The following CLN6 variants were observed in gnomAD, a reference collection of about 807,000 sequenced individuals.
CLN6 encodes the protein ceroid-lipofuscinosis neuronal protein 6.
In CLN6, 22 loss-of-function variants were observed where a neutral mutation model predicts 33.3. The ratio of observed to expected loss-of-function variants is 0.66; its 90% CI spans 0.47 to 0.94. The LOEUF (loss-of-function observed/expected upper bound fraction) is 0.94, where lower values mean the gene tolerates loss of function less well. Ranked by LOEUF, CLN6 falls within the 40% of genes least tolerant of loss-of-function variation. CLN6 has a pLI of 0.00. For synonymous variants in CLN6, 201 were observed against 174.6 expected (o/e 1.15, Z -1.19); for missense variants, 387 against 417.1 (o/e 0.93, Z 0.63).
intron 1 of CLN6, among the ~76,000 whole-genome samples, chr15:68,244,189 T>C (rs2141163552): frequency 6.6e-6 from 1 of 152,044 alleles, no homozygotes; most frequent in Non-Finnish European, 1.5e-5. Context: ...AAGTTATAAA[T>C]ATCCAAGGAC....
Position 68,211,885 on chromosome 15 carries a change from G to A in CLN6, c.298-22C>T. The stretch of plus-strand genomic sequence containing the variant: ...TGAGCTGGGGTTCAGAGTGGGGTTG[G>A]CAGCATGACCCCACCTCTGTCACAG... On this transcript the variant is annotated intron_variant, in intron 3 of 6. Coordinates refer to ENST00000249806, the MANE Select transcript of CLN6 (RefSeq NM_017882.3). This position sits in a 1 kb window ranked among gnomAD's most constrained non-coding sequence, Gnocchi z 5.9. The A allele has an allele frequency of 1.9e-6, 3 of 1,611,396 alleles. No homozygotes were observed. Among genetic ancestry groups the A allele is most frequent in the East Asian group, 2.2e-5 (1 of 44,858 alleles).
At chr15:68,235,589 T>TAAATAA (rs1410087685) in intron 1 of CLN6, among the ~76,000 whole-genome samples, 542 of 7,122 alleles carry the variant, frequency 0.076, 3 homozygotes, top group Middle Eastern at 0.5. Flanking sequence ...TAAAAATAAA[T>TAAATAA]ATATATATAT....
rs762159854 is a variant in CLN6, at chr15:68,209,660, C to T, written c.642G>A (p.Val214=). ...SLIPGPALLL[V]APSGLYYWYL... ...ACCAGTAGTACAGGCCACTGGGTGC[C>T]ACCAGGAGCAGGGCAGGCCCTGGAA... Residue 214 remains valine (V), a synonymous_variant, in exon 6 of 7, where the codon GTG becomes GTA. Coordinates refer to ENST00000249806, the MANE Select transcript of CLN6 (RefSeq NM_017882.3). The surrounding 1 kb of genome is among the most constrained non-coding windows in gnomAD (Gnocchi z 4.9). 6.2e-7 allele frequency: 1 copy of T among 1,613,348 alleles called. No individual in the cohort carries two copies. Among genetic ancestry groups the T allele is most frequent in the Admixed American group, 1.7e-5 (1 of 60,028 alleles).
rs920856466 is a variant in CLN6, at chr15:68,236,414, T to G, written c.180-17764A>C. 6.6e-6 allele frequency among the ~76,000 whole-genome samples: 1 copy of G among 152,256 alleles called. No individual in the cohort carries two copies. Among genetic ancestry groups the G allele is most frequent in the African/African-American group, 2.4e-5 (1 of 41,468 alleles). ...GGTATACAAATTCAGTGGACTATTA[T>G]ACAGCTATAAGAAGGCACTAAGTAC... On this transcript the variant is annotated intron_variant, in intron 1 of 6. Coordinates refer to the CLN6 transcript ENST00000538696. This position sits in a 1 kb window ranked among gnomAD's most constrained non-coding sequence, Gnocchi z 4.5.
chr15:68,243,630 C>T (rs1308116487), intron 1 of CLN6, among the ~76,000 whole-genome samples: 2 of 151,938 alleles, frequency 1.3e-5, no homozygotes. Flanking sequence ...TGGCATGCAC[C>T]TGTAATCCCA....
chr15:68,218,708 C>A, intron 1 of CLN6, 58 bp from the exon 2 acceptor site: 1 of 1,299,362 alleles, frequency 7.7e-7, no homozygotes, highest in South Asian at 1.2e-5. Context: ...CCAAAATCTT[C>A]CCCTGAGATT....
intron 1 of CLN6, 55 bp downstream of exon 1, chr15:68,229,447 C>G (rs1004819579): frequency 2.2e-6 from 3 of 1,341,650 alleles, no homozygotes; most frequent in Non-Finnish European, 2.0e-6. Context: ...TGGCGGGTCC[C>G]GAGGCCCCAG....
At position 68,209,499 on chromosome 15, in the gene CLN6, A is replaced by T; in HGVS notation, c.665+138T>A. 5 of 1,201,334 alleles carry T rather than the reference A, an allele frequency of 4.2e-6. No homozygotes were observed. The highest frequency in any genetic ancestry group is 6.1e-6 in the Non-Finnish European group (5 of 825,774). The allele number at this position is 1,201,334 out of a possible 1,614,324, so 74.4% of individuals were successfully genotyped here. The stretch of plus-strand genomic sequence containing the variant: ...ACAGGGCATTGTCACAGTCCCCACT[A>T]GACACAAGAAGAAGCACGGGCCCAA... On this transcript the variant is annotated intron_variant, in intron 6 of 6. Coordinates refer to ENST00000249806, the MANE Select transcript of CLN6 (RefSeq NM_017882.3). This position sits in a 1 kb window ranked among gnomAD's most constrained non-coding sequence, Gnocchi z 4.9.
intron 1 of CLN6, among the ~76,000 whole-genome samples, chr15:68,253,596 A>G (rs1283623689): frequency 6.6e-6 from 1 of 152,260 alleles, no homozygotes; most frequent in Non-Finnish European, 1.5e-5. Context: ...ATTGCAATAT[A>G]TAAAGTAATA....
chr15:68,225,679 A>G (rs183113211), intron 1 of CLN6, among the ~76,000 whole-genome samples: 199 of 152,280 alleles, frequency 1.3e-3, no homozygotes, highest in African/African-American at 4.6e-3. Flanking sequence ...CTTTTTTCTA[A>G]AAGGAATCAA....
chr15:68,208,066 CT>C lies in CLN6; in HGVS notation c.*73del, dbSNP rs977154960. 1.3e-4 allele frequency: 194 copies of C among 1,505,322 alleles called. No individual in the cohort carries two copies. The East Asian group carries it at 2.6e-3, about 20-fold the overall frequency. 93.2% of individuals were successfully genotyped at this position (1,505,322 alleles called of 1,614,324 possible). A position where few individuals can be genotyped will look rare whatever the true frequency, so the allele number is the denominator to read the frequency against. On this transcript the variant is annotated 3_prime_UTR_variant, in exon 7 of 7. Transcript: ENST00000249806. The surrounding 1 kb of genome is among the most constrained non-coding windows in gnomAD (Gnocchi z 5.8). ...CTCTGGTTACACACCCACACCCCCC[CT>C]ACTCCTGTATTCAGATGCCCTCCAT...
rs940808949 is a variant in CLN6, at chr15:68,242,720, A to C, written c.179+13970T>G. Among the ~76,000 whole-genome samples the C allele has an allele frequency of 6.6e-6, 1 of 152,228 alleles. No homozygotes were observed. The highest frequency in any genetic ancestry group is 1.5e-5 in the Non-Finnish European group (1 of 68,036). On this transcript the variant is annotated intron_variant, in intron 1 of 6. Coordinates refer to the CLN6 transcript ENST00000538696. The surrounding 1 kb of genome is among the most constrained non-coding windows in gnomAD (Gnocchi z 5.0). ...TCTTGAAAGTGTAGACATTTGGTTT[A>C]AATTAAGGTCAGATATCAGACTTGC...
chr15:68,223,141 AG>A (rs2093242613), intron 1 of CLN6, among the ~76,000 whole-genome samples: 1 of 151,836 alleles, frequency 6.6e-6, no homozygotes, highest in Non-Finnish European at 1.5e-5. Context: ...AAAAAAAAAA[AG>A]AAAAGGATCA....
chr15:68,251,547 C>A (rs1211090123), intron 1 of CLN6, among the ~76,000 whole-genome samples: 1 of 152,020 alleles, frequency 6.6e-6, no homozygotes, highest in African/African-American at 2.4e-5. Context: ...TGGTGGTGCA[C>A]ACCTGTAATC....
In CLN6 at chr15:68,227,330, CA is replaced by C. The variant is rs2093255213; in HGVS notation, c.83+2171del. ...CTGGGATTACAGGCGTGAGCCATGGCACCCGGCCTAATTGTAACACTTTCAT... is the reference window on the plus strand; with the variant it reads ...CTGGGATTACAGGCGTGAGCCATGGCCCCGGCCTAATTGTAACACTTTCAT... On this transcript the variant is annotated intron_variant, in intron 1 of 6. Transcript: ENST00000249806. This position sits in a 1 kb window ranked among gnomAD's most constrained non-coding sequence, Gnocchi z 4.1. Among the ~76,000 whole-genome samples the C allele has an allele frequency of 6.6e-6, 1 of 152,264 alleles. No individual in the cohort carries two copies. Among genetic ancestry groups the C allele is most frequent in the African/African-American group, 2.4e-5 (1 of 41,472 alleles).
intron 1 of CLN6, among the ~76,000 whole-genome samples, chr15:68,221,065 T>G (rs2141147235): frequency 6.6e-6 from 1 of 152,156 alleles, no homozygotes; most frequent in South Asian, 2.1e-4. Context: ...TTGCCCAGGC[T>G]GGCCTCAAAT....
At chr15:68,240,759 G>A (rs935863071) in intron 1 of CLN6, among the ~76,000 whole-genome samples, 6 of 151,866 alleles carry the variant, frequency 4.0e-5, no homozygotes, top group African/African-American at 1.2e-4. Flanking sequence ...CGAGAGAGGC[G>A]GATCACTTGA....
At chr15:68,250,350 C>T (rs1040211846) in intron 1 of CLN6, among the ~76,000 whole-genome samples, 4 of 151,838 alleles carry the variant, frequency 2.6e-5, no homozygotes, top group South Asian at 2.1e-4. Context: ...CAGCTGGTCA[C>T]GGTGGCTCAT....
In CLN6 at chr15:68,256,782, G is replaced by GCCTC. The variant is rs1354410538; in HGVS notation, c.83_86dup (p.Glu30ArgfsTer20). 1.4e-6 allele frequency: 1 copy of GCCTC among 701,712 alleles called. No homozygotes were observed. Among genetic ancestry groups the GCCTC allele is most frequent in the South Asian group, 1.5e-5 (1 of 67,528 alleles). The allele number at this position is 701,712 out of a possible 1,614,324, so 43.5% of individuals were successfully genotyped here. A position where few individuals can be genotyped will look rare whatever the true frequency, so the allele number is the denominator to read the frequency against. ...TGAAGGCTCGGCTCAAGCCCGCCTC[G>GCCTC]CCTCCCTCCCTCCTAGGGATGGCTC... On this transcript the variant is annotated frameshift_variant, in exon 1 of 7. Coordinates refer to the CLN6 transcript ENST00000538696. This position sits in a 1 kb window ranked among gnomAD's most constrained non-coding sequence, Gnocchi z 4.1.
Sources: gnomAD v4.1 joint callset for allele counts (sites outside exome capture counted in the v4.1 genomes callset) on GRCh38, gnomAD v4.1.1 for gene constraint, Gnocchi (gnomAD v3.1) non-coding constraint, MANE v1.5 for transcripts, NCBI Gene and HGNC (gene_info 2026-07-23, HGNC 2026-07-21) for gene names.